The following ITPRIPL1 variants were observed in gnomAD, a reference collection of about 807,000 sequenced individuals.
The protein encoded by ITPRIPL1 is ITPRIP like 1, also known as inositol 1,4,5-trisphosphate receptor-interacting protein-like 1.
Under a neutral mutation model 40.0 loss-of-function variants are expected in ITPRIPL1, and 28 were observed. That is an observed-to-expected ratio of 0.70 (90% CI 0.52 to 0.96). ITPRIPL1 has a LOEUF of 0.96. ITPRIPL1 is among the 40% of genes least tolerant of loss of function. The pLI is 0.00. For missense variants in ITPRIPL1, 638 were observed against 698.0 expected, an observed-to-expected ratio of 0.91 and a Z score of 0.97; for synonymous variants, 251 against 275.7, an observed-to-expected ratio of 0.91 and a Z score of 0.89.
At position 96,325,512 on chromosome 2, in the gene ITPRIPL1, G is replaced by A. The variant is rs1405209842; in HGVS notation, c.-147G>A. ...CCCCCACCCTGCCGGGAAAAAAGCA[G>A]TGGCGGTCAGGCCGCGCTGTCTCTT... On this transcript the variant is annotated 5_prime_UTR_variant, in exon 1 of 3. The change creates a new upstream start codon in the 5' untranslated region. Coordinates refer to ENST00000439118, the MANE Select transcript of ITPRIPL1 (RefSeq NM_001008949.3). 1.8e-5 allele frequency: 8 copies of A among 440,762 alleles called. No homozygotes were observed. Among genetic ancestry groups the A allele is most frequent in the East Asian group, 4.4e-5 (1 of 22,986 alleles). 27.3% of individuals were successfully genotyped at this position (440,762 alleles called of 1,614,324 possible).
rs568624938 is a variant in ITPRIPL1, at chr2:96,326,755, C to G, written c.124C>G (p.Arg42Gly). The G allele has an allele frequency of 6.2e-7, 1 of 1,614,162 alleles. No homozygotes were observed. Among genetic ancestry groups the G allele is most frequent in the African/African-American group, 1.3e-5 (1 of 75,028 alleles). The change falls in exon 3 of 3, where the codon CGG (arginine) becomes GGG (glycine). Residue 42 changes from arginine to glycine, a missense_variant. By Grantham distance (125) the Arg-to-Gly change is moderately radical (BLOSUM62 -2). Transcript: ENST00000439118. ...RMDLDTLARS[R>G]QLEKRMSEEM... ...GGACCTGGACACATTAGCCAGGAGT[C>G]GGCAGCTGGAGAAGCGAATGAGTGA...
intron 2 of ITPRIPL1, 31 bp downstream of exon 2, chr2:96,325,880 G>C: frequency 1.2e-6 from 2 of 1,612,830 alleles, no homozygotes; most frequent in Non-Finnish European, 1.7e-6. Context: ...ATTAGGGTGA[G>C]TGGCAGAAGC....
In ITPRIPL1 at chr2:96,327,043, G is replaced by C; in HGVS notation, c.412G>C (p.Asp138His). The C allele has an allele frequency of 6.2e-7, 1 of 1,614,208 alleles. No individual in the cohort carries two copies. The highest frequency in any genetic ancestry group is 8.5e-7 in the Non-Finnish European group (1 of 1,180,028). ...RQNMQHEPAF[D>H]SSSEEEEEEV... is the part of the protein sequence containing the mutation. The stretch of plus-strand genomic sequence containing the variant: ...GAACATGCAGCATGAACCGGCCTTT[G>C]ATTCCAGCAGTGAGGAGGAGGAGGA... Residue 138 changes from aspartate to histidine, a missense_variant, in exon 3 of 3, where the codon GAT (aspartate) becomes CAT (histidine). Coordinates refer to ENST00000439118, the MANE Select transcript of ITPRIPL1 (RefSeq NM_001008949.3).
Position 96,327,313 on chromosome 2 carries a change from A to T in ITPRIPL1, c.682A>T (p.Thr228Ser). ...CGGGGCTGCCTTTGAGAAATGGGGA[A>T]CCCTCCATGAGACCCAGAAATTTGA... ...GIGAAFEKWG[T>S]LHETQKFDIL... Residue 228 changes from threonine (T) to serine (S), a missense_variant, in exon 3 of 3, where the codon ACC becomes TCC. By Grantham distance (58) the Thr-to-Ser change is moderately conservative. Transcript: ENST00000439118. 6.2e-7 allele frequency: 1 copy of T among 1,614,004 alleles called. No individual in the cohort carries two copies. Among genetic ancestry groups the T allele is most frequent in the East Asian group, 2.2e-5 (1 of 44,868 alleles).
Position 96,327,356 on chromosome 2 carries a change from T to C in ITPRIPL1, c.725T>C (p.Val242Ala), listed in dbSNP as rs749735457. ...TQKFDILVPI[V>A]PPQGTMFVLE... ...AAATTTGATATCCTGGTGCCCATTGTCCCCCCACAGGGCACCATGTTTGTC... is the reference window on the plus strand; with the variant it reads ...AAATTTGATATCCTGGTGCCCATTGCCCCCCCACAGGGCACCATGTTTGTC... Residue 242 changes from valine to alanine, a missense_variant, in exon 3 of 3, where the codon GTC (valine) becomes GCC (alanine). Coordinates refer to ENST00000439118, the MANE Select transcript of ITPRIPL1 (RefSeq NM_001008949.3). 1 of 1,613,902 alleles carries C rather than the reference T, an allele frequency of 6.2e-7. No homozygotes were observed. Among genetic ancestry groups the C allele is most frequent in the South Asian group, 1.1e-5 (1 of 91,068 alleles).
intron 2 of ITPRIPL1, 69 bp from the exon 3 acceptor site, chr2:96,326,573 G>A (rs1196321848): frequency 1.9e-6 from 3 of 1,602,458 alleles, no homozygotes; most frequent in Non-Finnish European, 1.7e-6. Context: ...CAGGGCTCTG[G>A]GGAATGTGAG....
Position 96,325,514 on chromosome 2 carries a change from G to A in ITPRIPL1, c.-145G>A, listed in dbSNP as rs1277101848. On this transcript the variant is annotated 5_prime_UTR_variant, in exon 1 of 3. An upstream open reading frame in the 5' UTR gains an earlier in-frame stop. Transcript: ENST00000439118. ...CCCACCCTGCCGGGAAAAAAGCAGT[G>A]GCGGTCAGGCCGCGCTGTCTCTTTA... 2 of 441,574 alleles carry A rather than the reference G, an allele frequency of 4.5e-6. No individual in the cohort carries two copies. The highest frequency in any genetic ancestry group is 4.0e-5 in the African/African-American group (2 of 50,256). The allele number at this position is 441,574 out of a possible 1,614,324, so 27.4% of individuals were successfully genotyped here. A position where few individuals can be genotyped will look rare whatever the true frequency, so the allele number is the denominator to read the frequency against.
Position 96,327,356 on chromosome 2 carries a change from T to G in ITPRIPL1, c.725T>G (p.Val242Gly). 1.2e-6 allele frequency: 2 copies of G among 1,613,902 alleles called. No individual in the cohort carries two copies. Among genetic ancestry groups the G allele is most frequent in the Non-Finnish European group, 1.7e-6 (2 of 1,179,968 alleles). Residue 242 changes from valine to glycine, a missense_variant, in exon 3 of 3, where the codon GTC becomes GGC. By Grantham distance (109) the Val-to-Gly change is moderately radical (BLOSUM62 -3). Coordinates refer to ENST00000439118, the MANE Select transcript of ITPRIPL1 (RefSeq NM_001008949.3). The part of the protein sequence containing the change: ...TQKFDILVPI[V>G]PPQGTMFVLE... ...AAATTTGATATCCTGGTGCCCATTG[T>G]CCCCCCACAGGGCACCATGTTTGTC...
rs766601779 is a variant in ITPRIPL1 at position 96,327,454 on chromosome 2, C to G, written c.823C>G (p.Arg275Gly). The G allele has an allele frequency of 6.2e-7, 1 of 1,614,002 alleles. No individual in the cohort carries two copies. Among genetic ancestry groups the G allele is most frequent in the South Asian group, 1.1e-5 (1 of 91,038 alleles). ...GGTGGAGTCAGAATGTGTGTGCAAG[C>G]GTGAGAAACTCCTAGGGGACGTGCT... ...VLVESECVCK[R>G]EKLLGDVLCL... The change falls in exon 3 of 3, where the codon CGT (arginine) becomes GGT (glycine). Residue 275 changes from arginine (R) to glycine (G), a missense_variant. Physicochemically the swap from Arg to Gly is moderately radical, Grantham distance 125 (BLOSUM62 -2). Coordinates refer to ENST00000439118, the MANE Select transcript of ITPRIPL1 (RefSeq NM_001008949.3).
Position 96,326,650 on chromosome 2 carries a change from G to GC in ITPRIPL1, c.21dup (p.Ser8LeufsTer24). On this transcript the variant is annotated frameshift_variant, in exon 3 of 3. Coordinates refer to ENST00000439118, the MANE Select transcript of ITPRIPL1 (RefSeq NM_001008949.3). LOFTEE classifies it high-confidence loss of function. ...CTCTCCTACTTCTCCAGATGCAGAGGCCTCCATGGCTGTGATAAGCCTGCT... is the reference window on the plus strand; with the variant it reads ...CTCTCCTACTTCTCCAGATGCAGAGGCCCTCCATGGCTGTGATAAGCCTGCT... 1 of 1,614,178 alleles carries GC rather than the reference G, an allele frequency of 6.2e-7. No homozygotes were observed. The highest frequency in any genetic ancestry group is 8.5e-7 in the Non-Finnish European group (1 of 1,180,020).
At chr2:96,326,421 C>A in intron 2 of ITPRIPL1, 1 of 1,548,954 alleles carries the variant, frequency 6.5e-7, no homozygotes, top group Non-Finnish European at 8.7e-7. Context: ...GGAAGGAAAG[C>A]AGGAGAGAGA....
In ITPRIPL1 at chr2:96,325,817, G is replaced by C. The variant is rs1187823526; in HGVS notation, c.-23G>C. 4 of 1,613,870 alleles carry C rather than the reference G, an allele frequency of 2.5e-6. No homozygotes were observed. Among genetic ancestry groups the C allele is most frequent in the Non-Finnish European group, 3.4e-6 (4 of 1,179,736 alleles). ...GGGAGGATAGGCCCAGCTGGCTTCA[G>C]CGTCCACACGGCATAGTCCTTCATG... On this transcript the variant is annotated 5_prime_UTR_variant, in exon 2 of 3. Transcript: ENST00000439118.
In ITPRIPL1 at chr2:96,328,230, G is replaced by C. The variant is rs763115139; in HGVS notation, c.1599G>C (p.Val533=). Residue 533 remains valine (V), a synonymous_variant, in exon 3 of 3, where the codon GTG becomes GTC. Transcript: ENST00000439118. Reference sequence around the variant, plus strand: ...ACCCCAAGGCACATTCACAGGCAGTGGAAGAGTTCCAAAACCTTCTGACCC... The same window carrying C: ...ACCCCAAGGCACATTCACAGGCAGTCGAAGAGTTCCAAAACCTTCTGACCC... ...VLNPKAHSQA[V]EEFQNLLTQV... The C allele has an allele frequency of 3.1e-6, 5 of 1,614,086 alleles. No individual in the cohort carries two copies. In the Admixed American group the frequency reaches 8.3e-5, roughly 27 times the overall value.
downstream of ITPRIPL1, chr2:96,329,152 TA>T (rs1558782525): frequency 3.2e-3 from 18 of 5,704 alleles, no homozygotes; most frequent in East Asian, 0.013. Context: ...AAAAAAATTA[TA>T]TATATATATA....
At chr2:96,325,651 A>C in intron 1 of ITPRIPL1, 86 bp downstream of exon 1, 1 of 652,094 alleles carries the variant, frequency 1.5e-6, no homozygotes. Context: ...TGAGAGTACA[A>C]ATCTCTGGGC....
chr2:96,326,663 T>C lies in ITPRIPL1; in HGVS notation c.32T>C (p.Val11Ala). ...CCAGATGCAGAGGCCTCCATGGCTG[T>C]GATAAGCCTGCTGTTCTTGGCAGTG... MNVDAEASMA[V>A]ISLLFLAVMY... Residue 11 changes from valine (V) to alanine (A), a missense_variant, in exon 3 of 3, where the codon GTG becomes GCG. Physicochemically the swap from Val to Ala is moderately conservative, Grantham distance 64 (BLOSUM62 0). Transcript: ENST00000439118. The C allele has an allele frequency of 1.2e-6, 2 of 1,614,222 alleles. No homozygotes were observed. Among genetic ancestry groups the C allele is most frequent in the South Asian group, 2.2e-5 (2 of 91,086 alleles).
downstream of ITPRIPL1, chr2:96,329,218 T>G (rs2064144475): frequency 6.9e-6 from 1 of 144,032 alleles, no homozygotes; most frequent in Non-Finnish European, 1.5e-5. Flanking sequence ...ACATTCCATT[T>G]TCTTAACTTA....
intron 2 of ITPRIPL1, chr2:96,326,069 C>CG (rs1490108038): frequency 8.6e-7 from 1 of 1,166,064 alleles, no homozygotes. Context: ...AAGCAGCTGG[C>CG]GGCACTGTGC....
chr2:96,330,233 G>A (rs1278314740), downstream of ITPRIPL1: 1 of 109,068 alleles, frequency 9.2e-6, no homozygotes. Flanking sequence ...GGGCAAAAAA[G>A]TGAGACCGCG....
Sources: gnomAD v4.1 joint callset for allele counts on GRCh38, gnomAD v4.1.1 for gene constraint, MANE v1.5 for transcripts, NCBI Gene and HGNC (gene_info 2026-07-23, HGNC 2026-07-21) for gene names.